Variants in IP6K1 observed in about 807,000 individuals in gnomAD.
IP6K1 encodes ATP:1D-myo-inositol-hexakisphosphate phosphotransferase.
A neutral mutation model predicts 38.3 loss-of-function variants in IP6K1; 13 were observed. That is an observed-to-expected ratio of 0.34 (90% CI 0.22 to 0.54). The LOEUF is 0.54. IP6K1 is among the 20% of genes least tolerant of loss of function. The pLI is 0.92. For synonymous variants in IP6K1, 212 were observed against 229.9 expected (o/e 0.92, Z 0.70); for missense variants, 397 against 599.8 (o/e 0.66, Z 3.53).
intron 1 of IP6K1, among the ~76,000 whole-genome samples, chr3:49,774,720 A>C (rs907278725): frequency 2.0e-5 from 3 of 152,252 alleles, no homozygotes; most frequent in Admixed American, 6.5e-5. Context: ...TAGAACACTT[A>C]GCTAGGGCTC....
intron 1 of IP6K1, among the ~76,000 whole-genome samples, chr3:49,765,886 A>C (rs939251045): frequency 2.0e-5 from 3 of 151,306 alleles, no homozygotes; most frequent in Non-Finnish European, 3.0e-5. Flanking sequence ...CTAAAAAAAA[A>C]ACACACAAAG....
chr3:49,759,972 G>A (rs975970729), intron 1 of IP6K1, among the ~76,000 whole-genome samples: 3 of 152,120 alleles, frequency 2.0e-5, no homozygotes, highest in Non-Finnish European at 2.9e-5. Context: ...GCACGATCAC[G>A]GGTTACTACA....
intron 1 of IP6K1, among the ~76,000 whole-genome samples, chr3:49,755,777 A>C (rs1211717565): frequency 6.6e-6 from 1 of 152,232 alleles, no homozygotes; most frequent in Non-Finnish European, 1.5e-5. Context: ...AGACAAAAAC[A>C]CTATAGCAGA....
chr3:49,755,996 T>C (rs1242637409), intron 1 of IP6K1, among the ~76,000 whole-genome samples: 1 of 152,170 alleles, frequency 6.6e-6, no homozygotes, highest in African/African-American at 2.4e-5. Context: ...AGTAGGGCTG[T>C]CAACCCTACT....
chr3:49,731,284 G>A (rs2080559739), intron 4 of IP6K1, among the ~76,000 whole-genome samples: 1 of 152,076 alleles, frequency 6.6e-6, no homozygotes, highest in African/African-American at 2.4e-5. Context: ...AAGTCACTGG[G>A]TTTCACAGCC....
At chr3:49,754,926 C>CCT (rs1553695257) in intron 1 of IP6K1, among the ~76,000 whole-genome samples, 1 of 144,450 alleles carries the variant, frequency 6.9e-6, no homozygotes, top group Non-Finnish European at 1.5e-5. Flanking sequence ...GATATGCAAT[C>CCT]TTTTTTTTTT....
At chr3:49,738,166 A>T in intron 3 of IP6K1, 46 bp downstream of exon 3, 1 of 1,459,456 alleles carries the variant, frequency 6.9e-7, no homozygotes, top group Non-Finnish European at 9.6e-7. Flanking sequence ...GACTATGGAG[A>T]CGTCTTGAGT....
At chr3:49,733,750 G>A (rs974099301) in intron 3 of IP6K1, among the ~76,000 whole-genome samples, 4 of 152,238 alleles carry the variant, frequency 2.6e-5, no homozygotes, top group African/African-American at 7.2e-5. Flanking sequence ...CTGGGGGAAG[G>A]AGGAATGGGG....
intron 1 of IP6K1, among the ~76,000 whole-genome samples, chr3:49,748,453 G>A (rs187191870): frequency 1.3e-5 from 2 of 152,252 alleles, no homozygotes; most frequent in Admixed American, 1.3e-4. Flanking sequence ...TAGAGCTACA[G>A]CACATTACAA....
rs1295823489 is a variant in IP6K1, at chr3:49,775,539, A to G, written c.-129+10815T>C. 12 of 1,036,414 alleles carry G rather than the reference A, an allele frequency of 1.2e-5. No individual in the cohort carries two copies. In the East Asian group the frequency reaches 1.5e-4, roughly 13 times the overall value. 64.2% of individuals were successfully genotyped at this position (1,036,414 alleles called of 1,614,324 possible). A position where few individuals can be genotyped will look rare whatever the true frequency, so the allele number is the denominator to read the frequency against. Reference sequence around the variant, plus strand: ...GGAGAAGGATAGAGATGGCTGCCCAAAGATTGTCAATTTGGGGAGCTCTAA... The same window carrying G: ...GGAGAAGGATAGAGATGGCTGCCCAGAGATTGTCAATTTGGGGAGCTCTAA... On this transcript the variant is annotated intron_variant, in intron 1 of 5. Coordinates refer to ENST00000321599, the MANE Select transcript of IP6K1 (RefSeq NM_153273.4).
intron 1 of IP6K1, among the ~76,000 whole-genome samples, chr3:49,756,887 C>T (rs1019689924): frequency 2.9e-5 from 4 of 139,162 alleles, no homozygotes; most frequent in African/African-American, 1.0e-4. Context: ...ACATTCTCTG[C>T]TCATGATTAT....
At chr3:49,771,304 C>A (rs1289592193) in intron 1 of IP6K1, among the ~76,000 whole-genome samples, 1 of 151,224 alleles carries the variant, frequency 6.6e-6, no homozygotes, top group Non-Finnish European at 1.5e-5. Flanking sequence ...TCAAGTCCAG[C>A]TTGGGCAACA....
At chr3:49,738,693 T>C (rs1205570245) in intron 2 of IP6K1, among the ~76,000 whole-genome samples, 1 of 152,202 alleles carries the variant, frequency 6.6e-6, no homozygotes, top group Non-Finnish European at 1.5e-5. Flanking sequence ...CAATTACTGA[T>C]TTTTTGTACC....
Position 49,726,562 on chromosome 3 carries a change from G to A in IP6K1, c.*560C>T, listed in dbSNP as rs959904376. On this transcript the variant is annotated 3_prime_UTR_variant, in exon 6 of 6. Transcript: ENST00000321599. ...CCCAGCTTCATTAATCTAGCCCCAT[G>A]CTAAGGTCAGACCGAAGGATGGGTC... The A allele has an allele frequency of 2.6e-5, 4 of 152,916 alleles. No individual in the cohort carries two copies. Among genetic ancestry groups the A allele is most frequent in the African/African-American group, 9.6e-5 (4 of 41,498 alleles). 9.5% of individuals were successfully genotyped at this position (152,916 alleles called of 1,614,324 possible). A position where few individuals can be genotyped will look rare whatever the true frequency, so the allele number is the denominator to read the frequency against.
At chr3:49,774,020 A>C (rs993335064) in intron 1 of IP6K1, among the ~76,000 whole-genome samples, 17 of 141,562 alleles carry the variant, frequency 1.2e-4, no homozygotes, top group East Asian at 6.3e-4. Context: ...CACACACACA[A>C]CACACACATA....
At chr3:49,739,669 A>ATTC (rs983779071) in intron 2 of IP6K1, among the ~76,000 whole-genome samples, 1 of 151,594 alleles carries the variant, frequency 6.6e-6, no homozygotes, top group Non-Finnish European at 1.5e-5. Flanking sequence ...TCTTTATAAT[A>ATTC]TTCTTCTTCT....
intron 1 of IP6K1, among the ~76,000 whole-genome samples, chr3:49,762,724 CAGAA>C (rs1476581590): frequency 3.3e-5 from 5 of 151,186 alleles, no homozygotes; most frequent in East Asian, 1.9e-4. Flanking sequence ...TTTCAGAAAA[CAGAA>C]AGAGAGAGAA....
chr3:49,734,090 A>C (rs1186031951), intron 3 of IP6K1, among the ~76,000 whole-genome samples: 1 of 152,220 alleles, frequency 6.6e-6, no homozygotes, highest in Non-Finnish European at 1.5e-5. Flanking sequence ...CTGAGCCATG[A>C]TCATGCCACT....
chr3:49,771,414 G>A (rs1045252024), intron 1 of IP6K1, among the ~76,000 whole-genome samples: 26 of 152,024 alleles, frequency 1.7e-4, no homozygotes, highest in African/African-American at 6.3e-4. Flanking sequence ...CTTCACAAAC[G>A]AAGATACACA....
Sources: gnomAD v4.1 joint callset for allele counts (sites outside exome capture counted in the v4.1 genomes callset) on GRCh38, gnomAD v4.1.1 for gene constraint, MANE v1.5 for transcripts, NCBI Gene and HGNC (gene_info 2026-07-23, HGNC 2026-07-21) for gene names.